SCML2: variants seen among roughly 807,000 people sequenced by gnomAD.
SCML2 encodes the protein sex comb on midleg-like protein 2.
In SCML2, 6 loss-of-function variants were observed where a neutral mutation model predicts 48.4. The ratio of observed to expected loss-of-function variants is 0.12; its 90% CI spans 0.07 to 0.24. The LOEUF (loss-of-function observed/expected upper bound fraction) is 0.24. Ranked by LOEUF, SCML2 falls within the 10% of genes least tolerant of loss-of-function variation. The probability of loss-of-function intolerance (pLI) is 1.00; values close to 1 mark genes in which losing one functional copy is unlikely to be tolerated. For synonymous variants in SCML2, 181 were observed against 189.5 expected, an observed-to-expected ratio of 0.95 and a Z score of 0.37; for missense variants, 377 against 528.2, an observed-to-expected ratio of 0.71 and a Z score of 2.81.
At chrX:18,311,870 A>T (rs563970832) in intron 6 of SCML2, among the ~76,000 whole-genome samples, 9 of 111,945 alleles carry the variant, frequency 8.0e-5, no homozygotes, top group Admixed American at 7.6e-4. Context: ...AGCTCACTGC[A>T]ATCCCTGCTT....
intron 1 of SCML2, among the ~76,000 whole-genome samples, chrX:18,342,016 C>T (rs1257772814): frequency 2.7e-5 from 3 of 111,918 alleles, no homozygotes; most frequent in African/African-American, 9.7e-5. Context: ...GCAATAGATG[C>T]AGACAGCACA....
chrX:18,247,137 C>T (rs1189258020), intron 12 of SCML2, among the ~76,000 whole-genome samples: 3 of 110,903 alleles, frequency 2.7e-5, no homozygotes, highest in Admixed American at 9.6e-5. Flanking sequence ...GGAGTACAGG[C>T]GCCTGCCACC....
intron 7 of SCML2, among the ~76,000 whole-genome samples, chrX:18,282,483 C>T (rs1156447792): frequency 9.0e-6 from 1 of 110,791 alleles, no homozygotes; most frequent in Non-Finnish European, 1.9e-5. Context: ...ATTAACAATA[C>T]AAAAATTAGC....
At chrX:18,330,977 A>G (rs998480879) in intron 2 of SCML2, among the ~76,000 whole-genome samples, 1 of 110,848 alleles carries the variant, frequency 9.0e-6, no homozygotes, top group African/African-American at 3.3e-5. Context: ...TCAATGCATC[A>G]GGCCAGGCGT....
intron 3 of SCML2, among the ~76,000 whole-genome samples, chrX:18,328,059 C>A (rs191470008): frequency 9.0e-6 from 1 of 111,513 alleles, no homozygotes; most frequent in East Asian, 2.8e-4. Context: ...ATATATATAT[C>A]TCCTTGTGAT....
In SCML2 at chrX:18,318,237, T is replaced by C. The variant is rs1929196086; in HGVS notation, c.486+2095A>G. 3.5e-5 allele frequency among the ~76,000 whole-genome samples: 4 copies of C among 112,972 alleles called. No individual in the cohort carries two copies. The Admixed American group carries it at 3.7e-4, about 11-fold the overall frequency. On this transcript the variant is annotated intron_variant, in intron 6 of 14. Transcript: ENST00000251900. Reference sequence around the variant, plus strand: ...TCCCTTGCAGGTAGGGCAAGTCCACTTTCTGCATTCATCTTACTCAGAGGC... The same window carrying C: ...TCCCTTGCAGGTAGGGCAAGTCCACCTTCTGCATTCATCTTACTCAGAGGC...
intron 6 of SCML2, among the ~76,000 whole-genome samples, chrX:18,318,223 T>A (rs1448055869): frequency 8.9e-6 from 1 of 112,842 alleles, no homozygotes; most frequent in Non-Finnish European, 1.9e-5. Flanking sequence ...CCCTTGCAGG[T>A]AGGGCAAGTC....
chrX:18,255,024 C>T (rs1349577818), intron 11 of SCML2, among the ~76,000 whole-genome samples: 2 of 111,205 alleles, frequency 1.8e-5, no homozygotes, highest in African/African-American at 3.3e-5. Flanking sequence ...ACACAGACAC[C>T]CCTCTTCCCA....
intron 1 of SCML2, among the ~76,000 whole-genome samples, chrX:18,338,798 C>T (rs1414427249): frequency 9.2e-6 from 1 of 108,886 alleles, no homozygotes; most frequent in Non-Finnish European, 1.9e-5. Context: ...CCTGTAGTCC[C>T]AGCTACTTGG....
intron 5 of SCML2, among the ~76,000 whole-genome samples, chrX:18,320,799 G>A (rs1377984534): frequency 1.8e-5 from 2 of 111,263 alleles, no homozygotes; most frequent in African/African-American, 6.5e-5. Flanking sequence ...CTTTTCCTCA[G>A]GGCCCCAGGC....
intron 1 of SCML2, among the ~76,000 whole-genome samples, chrX:18,345,651 C>CA (rs1426096366): frequency 2.7e-5 from 3 of 110,947 alleles, no homozygotes; most frequent in Non-Finnish European, 3.8e-5. Context: ...CTCAGCCTCT[C>CA]AAAGTGCTGG....
chrX:18,277,456 G>A (rs1479624104), intron 7 of SCML2, among the ~76,000 whole-genome samples: 1 of 111,823 alleles, frequency 8.9e-6, no homozygotes, highest in African/African-American at 3.3e-5. Flanking sequence ...TGAAGCAAGT[G>A]TTATCTCTAT....
intron 11 of SCML2, among the ~76,000 whole-genome samples, chrX:18,256,223 G>A (rs182376271): frequency 4.5e-5 from 5 of 111,311 alleles, no homozygotes; most frequent in African/African-American, 6.5e-5. Flanking sequence ...AGGCCAAGGC[G>A]GGAGGATCAC....
intron 6 of SCML2, among the ~76,000 whole-genome samples, chrX:18,313,423 T>A (rs1178201349): frequency 9.0e-6 from 1 of 111,387 alleles, no homozygotes; most frequent in Non-Finnish European, 1.9e-5. Flanking sequence ...ATGTAAGAAG[T>A]GCCTTTCACC....
chrX:18,348,601 A>G (rs1483865230), intron 1 of SCML2, among the ~76,000 whole-genome samples: 1 of 112,203 alleles, frequency 8.9e-6, no homozygotes, highest in Non-Finnish European at 1.9e-5. Flanking sequence ...ACTATTGCCT[A>G]CTATATATTA....
At chrX:18,320,472 T>C (rs1475098713) in intron 5 of SCML2, 52 bp from the exon 6 acceptor site, 2 of 753,344 alleles carry the variant, frequency 2.7e-6, no homozygotes, top group African/African-American at 4.2e-5. Context: ...TGTGATACTA[T>C]TAACAAGTTG....
intron 7 of SCML2, among the ~76,000 whole-genome samples, chrX:18,266,423 G>A (rs1927260290): frequency 9.0e-6 from 1 of 111,574 alleles, no homozygotes; most frequent in Non-Finnish European, 1.9e-5. Flanking sequence ...TCAGGCCCAA[G>A]TGATTTGTAG....
intron 5 of SCML2, among the ~76,000 whole-genome samples, chrX:18,321,138 G>C (rs1003463299): frequency 9.0e-6 from 1 of 111,681 alleles, no homozygotes; most frequent in Non-Finnish European, 1.9e-5. Flanking sequence ...CACCTTTTCT[G>C]TATGTTTGAA....
chrX:18,303,572 C>G (rs1345857436), intron 7 of SCML2, among the ~76,000 whole-genome samples: 3 of 112,112 alleles, frequency 2.7e-5, no homozygotes, highest in Admixed American at 9.5e-5. Context: ...GCATACATCT[C>G]TATTTTTGCA....
Sources: gnomAD v4.1 joint callset for allele counts (sites outside exome capture counted in the v4.1 genomes callset) on GRCh38, gnomAD v4.1.1 for gene constraint, MANE v1.5 for transcripts, NCBI Gene and HGNC (gene_info 2026-07-23, HGNC 2026-07-21) for gene names.